Variants in ATP13A4 observed in about 807,000 individuals in gnomAD.
The protein encoded by ATP13A4 is ATPase 13A4.
In ATP13A4, 114 loss-of-function variants were observed where a neutral mutation model predicts 142.5. That is an observed-to-expected ratio of 0.80 (90% CI 0.69 to 0.93). The LOEUF (loss-of-function observed/expected upper bound fraction) is 0.93, where lower values mean the gene tolerates loss of function less well. Among genes scored for constraint, ATP13A4 ranks in the 40% least tolerant of loss-of-function variants. The pLI, the probability that ATP13A4 is intolerant of heterozygous loss-of-function variation, is 0.00. For synonymous variants in ATP13A4, 488 were observed against 514.8 expected (o/e 0.95, Z 0.70); for missense variants, 1,392 against 1,454.0 (o/e 0.96, Z 0.69).
At chr3:193,543,496 G>C (rs1268399973) in intron 1 of ATP13A4, among the ~76,000 whole-genome samples, 3 of 152,136 alleles carry the variant, frequency 2.0e-5, no homozygotes, top group African/African-American at 7.2e-5. Context: ...CTAAGAATAA[G>C]TAAGCAACAC....
rs114453185 is a variant in ATP13A4 at position 193,516,500 on chromosome 3, C to T, written c.61-1629G>A. 1.6e-3 allele frequency among the ~76,000 whole-genome samples: 242 copies of T among 152,256 alleles called. 1 individual carries two copies. The highest frequency in any genetic ancestry group is 5.7e-3 in the African/African-American group (238 of 41,554). ...TGCCAAGCCTAGAATGGCTCTGTCCCCTCAACACACTGGCAGCAATGCTCT... is the reference window on the plus strand; with the variant it reads ...TGCCAAGCCTAGAATGGCTCTGTCCTCTCAACACACTGGCAGCAATGCTCT... On this transcript the variant is annotated intron_variant, in intron 1 of 29. Transcript: ENST00000342695.
chr3:193,494,917 C>T (rs1318329794), intron 3 of ATP13A4, among the ~76,000 whole-genome samples: 2 of 151,826 alleles, frequency 1.3e-5, no homozygotes, highest in Non-Finnish European at 2.9e-5. Context: ...AAAAAAGAGA[C>T]ATTACGAATG....
intron 8 of ATP13A4, among the ~76,000 whole-genome samples, chr3:193,474,322 C>CAAAAAAAAAAAAAAAAAAAAAAA (rs1176133187): frequency 7.2e-5 from 5 of 69,086 alleles, no homozygotes; most frequent in African/African-American, 1.0e-4. Context: ...GACTCCGTCT[C>CAAAAAAAAAAAAAAAAAAAAAAA]AAAAAAAAAA....
Position 193,550,333 on chromosome 3 carries a change from G to A in ATP13A4, c.60+4407C>T, listed in dbSNP as rs1723480163. Among the ~76,000 whole-genome samples, 7 of 145,756 alleles carry A rather than the reference G, an allele frequency of 4.8e-5. No individual in the cohort carries two copies. In the South Asian group the frequency reaches 1.5e-3, roughly 32 times the overall value. Reference sequence around the variant, plus strand: ...TTTTTTTTTTTTTTTTTGAGACGGAGTCTCACTCTATCCCCCAGGCTGGAG... The same window carrying A: ...TTTTTTTTTTTTTTTTTGAGACGGAATCTCACTCTATCCCCCAGGCTGGAG... On this transcript the variant is annotated intron_variant, in intron 1 of 29. Coordinates refer to ENST00000342695, the MANE Select transcript of ATP13A4 (RefSeq NM_032279.4).
chr3:193,548,016 T>C (rs1300212056), intron 1 of ATP13A4, among the ~76,000 whole-genome samples: 2 of 152,134 alleles, frequency 1.3e-5, no homozygotes, highest in African/African-American at 4.8e-5. Context: ...ACTTGTTGGG[T>C]TTATACATGA....
intron 1 of ATP13A4, among the ~76,000 whole-genome samples, chr3:193,551,158 A>T (rs1340168991): frequency 2.0e-5 from 3 of 152,312 alleles, no homozygotes; most frequent in African/African-American, 4.8e-5. Flanking sequence ...TCATGCCCAT[A>T]ATCCCAGCAC....
At position 193,441,594 on chromosome 3, in the gene ATP13A4, A is replaced by T. The variant is rs1053662098; in HGVS notation, c.2317-6T>A. Reference sequence around the variant, plus strand: ...CTGATGTTAATGTAATTGTCCTACAAAGCAAGACACAGTTATTTTAGACTC... The same window carrying T: ...CTGATGTTAATGTAATTGTCCTACATAGCAAGACACAGTTATTTTAGACTC... On this transcript the variant is annotated splice_region_variant and splice_polypyrimidine_tract_variant and intron_variant, in intron 19 of 29. Coordinates refer to ENST00000342695, the MANE Select transcript of ATP13A4 (RefSeq NM_032279.4). 1 of 1,612,968 alleles carries T rather than the reference A, an allele frequency of 6.2e-7. No homozygotes were observed. The highest frequency in any genetic ancestry group is 8.5e-7 in the Non-Finnish European group (1 of 1,179,188).
chr3:193,500,287 A>G (rs1720468718), intron 3 of ATP13A4, among the ~76,000 whole-genome samples: 1 of 152,102 alleles, frequency 6.6e-6, no homozygotes, highest in South Asian at 2.1e-4. Flanking sequence ...ATGTTATAAG[A>G]GCATCCTGTT....
chr3:193,590,373 A>C (rs954161736), intron 1 of ATP13A4, among the ~76,000 whole-genome samples: 1 of 152,184 alleles, frequency 6.6e-6, no homozygotes, highest in Non-Finnish European at 1.5e-5. Context: ...GTGAGTCTGA[A>C]ATATACCGCA....
intron 2 of ATP13A4, 72 bp downstream of exon 2, chr3:193,514,626 C>T (rs1049303925): frequency 1.3e-6 from 2 of 1,584,116 alleles, no homozygotes; most frequent in South Asian, 1.1e-5. Flanking sequence ...CACATCTCCC[C>T]CCAGCCATCC....
At chr3:193,561,578 C>T (rs982429345) in intron 2 of ATP13A4, among the ~76,000 whole-genome samples, 4 of 152,110 alleles carry the variant, frequency 2.6e-5, no homozygotes, top group African/African-American at 9.7e-5. Flanking sequence ...GTGTCCTAAG[C>T]AAACTGGTAA....
At chr3:193,570,245 C>T (rs558038680) in intron 2 of ATP13A4, among the ~76,000 whole-genome samples, 2 of 152,124 alleles carry the variant, frequency 1.3e-5, no homozygotes, top group South Asian at 2.1e-4. Flanking sequence ...CCCAGGAGGT[C>T]GAGGCTGCAG....
intron 29 of ATP13A4, among the ~76,000 whole-genome samples, chr3:193,406,150 G>A (rs987658892): frequency 1.3e-5 from 2 of 152,164 alleles, no homozygotes; most frequent in African/African-American, 2.4e-5. Flanking sequence ...GCTGGGCAAC[G>A]TGTGTTTTAA....
intron 1 of ATP13A4, among the ~76,000 whole-genome samples, chr3:193,550,265 T>G (rs1183848047): frequency 6.6e-6 from 1 of 151,750 alleles, no homozygotes; most frequent in Non-Finnish European, 1.5e-5. Flanking sequence ...CAGATAAGTA[T>G]GAAGATAGAG....
chr3:193,428,947 A>T (rs1715823906), intron 25 of ATP13A4, among the ~76,000 whole-genome samples: 1 of 152,058 alleles, frequency 6.6e-6, no homozygotes. Flanking sequence ...TAATAATAAT[A>T]ATAATAAAAC....
intron 17 of ATP13A4, among the ~76,000 whole-genome samples, chr3:193,451,499 T>C (rs192992367): frequency 6.6e-6 from 1 of 152,358 alleles, no homozygotes; most frequent in African/African-American, 2.4e-5. Context: ...TTCATGAGCA[T>C]TTAATCTGAA....
intron 2 of ATP13A4, among the ~76,000 whole-genome samples, chr3:193,506,014 T>C (rs768736634): frequency 3.9e-5 from 6 of 152,222 alleles, no homozygotes; most frequent in Non-Finnish European, 4.4e-5. Flanking sequence ...GTTTGGCCCA[T>C]AGCAGGGAGG....
intron 1 of ATP13A4, among the ~76,000 whole-genome samples, chr3:193,582,647 TATTACATAC>T (rs1327675104): frequency 0.021 from 1,705 of 80,260 alleles, 12 homozygotes; most frequent in Non-Finnish European, 0.025. Flanking sequence ...TATATATGTA[TATTACATAC>T]ATTATATATG....
chr3:193,452,567 ATTTTTTTTTTTT>A, intron 17 of ATP13A4, among the ~76,000 whole-genome samples: 1 of 120,794 alleles, frequency 8.3e-6, no homozygotes, highest in South Asian at 2.6e-4. Flanking sequence ...ACATTGTGGA[ATTTTTTTTTTTT>A]TTTTTTTTTT....
Sources: gnomAD v4.1 joint callset for allele counts (sites outside exome capture counted in the v4.1 genomes callset) on GRCh38, gnomAD v4.1.1 for gene constraint, MANE v1.5 for transcripts, NCBI Gene and HGNC (gene_info 2026-07-23, HGNC 2026-07-21) for gene names.